Variants in PARD3B observed in about 807,000 individuals in gnomAD.
PARD3B encodes partitioning defective 3 homolog B.
PARD3B carries 103 observed loss-of-function variants against 130.2 expected under a neutral mutation model. The ratio of observed to expected loss-of-function variants is 0.79; its 90% CI spans 0.67 to 0.93. The LOEUF is 0.93. PARD3B is among the 40% of genes least tolerant of loss of function. PARD3B has a pLI of 0.00. For synonymous variants in PARD3B, 583 were observed against 553.2 expected (o/e 1.05, Z -0.76); for missense variants, 1,609 against 1,499.2 (o/e 1.07, Z -1.21).
chr2:204,882,073 A>G (rs554742182), intron 2 of PARD3B, among the ~76,000 whole-genome samples: 2 of 152,354 alleles, frequency 1.3e-5, no homozygotes, highest in East Asian at 3.9e-4. Flanking sequence ...AGCAAGGGAT[A>G]GAACAAGATC....
chr2:204,630,266 G>T (rs1420344949), intron 1 of PARD3B, among the ~76,000 whole-genome samples: 1 of 152,144 alleles, frequency 6.6e-6, no homozygotes, highest in African/African-American at 2.4e-5. Context: ...GGGTAGTGGG[G>T]TTTGTGTGTA....
chr2:205,347,561 A>C (rs2105832766), intron 18 of PARD3B, among the ~76,000 whole-genome samples: 1 of 152,348 alleles, frequency 6.6e-6, no homozygotes, highest in African/African-American at 2.4e-5. Context: ...CCACAGTAGA[A>C]GGGGTGAAGT....
At chr2:205,210,935 C>A (rs115885095) in intron 15 of PARD3B, among the ~76,000 whole-genome samples, 5,338 of 151,900 alleles carry the variant, frequency 0.035, 138 homozygotes, top group Middle Eastern at 0.054. Flanking sequence ...AAATTTCAGC[C>A]CTTGCTCACA....
chr2:205,456,639 T>C (rs893985467), intron 20 of PARD3B, among the ~76,000 whole-genome samples: 1 of 151,882 alleles, frequency 6.6e-6, no homozygotes, highest in Admixed American at 6.6e-5. Flanking sequence ...CTTCAGTTCA[T>C]ATGATCTTGT....
intron 19 of PARD3B, among the ~76,000 whole-genome samples, chr2:205,416,957 T>A (rs1386754886): frequency 1.3e-5 from 2 of 152,076 alleles, no homozygotes; most frequent in African/African-American, 4.8e-5. Flanking sequence ...TACTTTAAGT[T>A]CTAGGGTACA....
chr2:204,728,152 C>T (rs77021922), intron 2 of PARD3B, among the ~76,000 whole-genome samples: 2,086 of 152,216 alleles, frequency 0.014, 16 homozygotes, highest in Non-Finnish European at 0.023. Flanking sequence ...GGTTCTCCAT[C>T]GTGAAGAGGC....
chr2:204,852,390 A>T (rs12612230), intron 2 of PARD3B, among the ~76,000 whole-genome samples: 20,328 of 152,128 alleles, frequency 0.13, 1,807 homozygotes, highest in African/African-American at 0.24. Context: ...TAATAAATAA[A>T]GTTAATTTCA....
At chr2:205,081,444 A>G in intron 4 of PARD3B, among the ~76,000 whole-genome samples, 1 of 152,008 alleles carries the variant, frequency 6.6e-6, no homozygotes. Flanking sequence ...GCTAAGACCT[A>G]TATTGTACTG....
intron 3 of PARD3B, among the ~76,000 whole-genome samples, chr2:205,033,564 T>C (rs1056040716): frequency 6.6e-6 from 1 of 152,152 alleles, no homozygotes; most frequent in African/African-American, 2.4e-5. Context: ...TGAGCAAATG[T>C]ATCAATATTC....
intron 22 of PARD3B, among the ~76,000 whole-genome samples, chr2:205,559,031 A>T (rs1033235345): frequency 1.3e-5 from 2 of 152,208 alleles, no homozygotes; most frequent in African/African-American, 4.8e-5. Flanking sequence ...TGTATACAGT[A>T]GAGTCTTAAT....
At chr2:204,747,773 G>T (rs1295491495) in intron 2 of PARD3B, among the ~76,000 whole-genome samples, 4 of 151,890 alleles carry the variant, frequency 2.6e-5, no homozygotes, top group African/African-American at 9.7e-5. Flanking sequence ...AAATGATATA[G>T]CAGGATTTTA....
intron 1 of PARD3B, among the ~76,000 whole-genome samples, chr2:204,571,624 C>T (rs150059152): frequency 4.5e-4 from 68 of 152,218 alleles, no homozygotes; most frequent in African/African-American, 1.6e-3. Flanking sequence ...ACCTATATCT[C>T]GTCTCCCTAA....
chr2:205,461,754 G>T lies in PARD3B; in HGVS notation c.3044+21082G>T, dbSNP rs1356582016. On this transcript the variant is annotated intron_variant, in intron 20 of 22. Coordinates refer to ENST00000406610, the MANE Select transcript of PARD3B (RefSeq NM_001302769.2). This position sits in a 1 kb window ranked among gnomAD's most constrained non-coding sequence, Gnocchi z 4.3. The stretch of plus-strand genomic sequence containing the variant: ...GTTTCTGATTCAATAGGTCTGGGGT[G>T]GGACCCTACAATTTGCATTTCTAAC... 6.6e-6 allele frequency among the ~76,000 whole-genome samples: 1 copy of T among 152,098 alleles called. No homozygotes were observed. The highest frequency in any genetic ancestry group is 2.4e-5 in the African/African-American group (1 of 41,418).
Position 205,276,421 on chromosome 2 carries a change from A to G in PARD3B, c.2186-24109A>G, listed in dbSNP as rs1025874386. Among the ~76,000 whole-genome samples, 1 of 152,242 alleles carries G rather than the reference A, an allele frequency of 6.6e-6. No homozygotes were observed. Among genetic ancestry groups the G allele is most frequent in the East Asian group, 1.9e-4 (1 of 5,202 alleles). ...CTTTCTTTTCTTATTTATCCTTAAC[A>G]GAAGAAACAACAAGTAAATCTGGTG... On this transcript the variant is annotated intron_variant, in intron 16 of 22. Transcript: ENST00000406610. The surrounding 1 kb of genome is among the most constrained non-coding windows in gnomAD (Gnocchi z 5.0).
intron 18 of PARD3B, among the ~76,000 whole-genome samples, chr2:205,364,982 A>G (rs2044545989): frequency 1.3e-5 from 2 of 151,984 alleles, no homozygotes; most frequent in African/African-American, 4.8e-5. Context: ...CGAGTAGATC[A>G]CGAGGTCAGG....
At chr2:205,195,243 G>A (rs577221676) in intron 15 of PARD3B, among the ~76,000 whole-genome samples, 18 of 152,160 alleles carry the variant, frequency 1.2e-4, no homozygotes, top group African/African-American at 4.3e-4. Flanking sequence ...TAATAGTAAG[G>A]TTTATTCATT....
intron 18 of PARD3B, among the ~76,000 whole-genome samples, chr2:205,367,142 T>G: frequency 6.6e-6 from 1 of 152,232 alleles, no homozygotes; most frequent in East Asian, 1.9e-4. Context: ...CTTGTAAAAT[T>G]TGAAGACATT....
At chr2:205,247,913 C>T (rs2125923038) in intron 16 of PARD3B, among the ~76,000 whole-genome samples, 1 of 152,036 alleles carries the variant, frequency 6.6e-6, no homozygotes, top group East Asian at 1.9e-4. Flanking sequence ...TACCCTTCCC[C>T]ATTTTTTGTT....
intron 2 of PARD3B, among the ~76,000 whole-genome samples, chr2:204,929,154 A>G (rs1248772701): frequency 6.6e-6 from 1 of 151,986 alleles, no homozygotes; most frequent in Non-Finnish European, 1.5e-5. Context: ...TTTCAATATG[A>G]TTACATGGAC....
Sources: gnomAD v4.1 joint callset for allele counts (sites outside exome capture counted in the v4.1 genomes callset) on GRCh38, gnomAD v4.1.1 for gene constraint, Gnocchi (gnomAD v3.1) non-coding constraint, MANE v1.5 for transcripts, NCBI Gene and HGNC (gene_info 2026-07-23, HGNC 2026-07-21) for gene names.